Variants in CNTNAP2 observed in about 807,000 individuals in gnomAD.
CNTNAP2 encodes the protein contactin-associated protein-like 2.
In CNTNAP2, 98 loss-of-function variants were observed where a neutral mutation model predicts 155.2. The observed-to-expected ratio is 0.63, with a 90% CI of 0.54 to 0.75. CNTNAP2 has a LOEUF of 0.75. CNTNAP2 is among the 30% of genes least tolerant of loss of function. The pLI is 0.00. For synonymous variants in CNTNAP2, 651 were observed against 631.2 expected (o/e 1.03, Z -0.47); for missense variants, 1,727 against 1,688.1 (o/e 1.02, Z -0.40).
At chr7:147,868,734 C>T (rs199942963) in intron 13 of CNTNAP2, among the ~76,000 whole-genome samples, 15 of 152,200 alleles carry the variant, frequency 9.9e-5, no homozygotes, top group East Asian at 1.9e-4. Flanking sequence ...CAGACTGCTG[C>T]GCTAGCAGTG....
intron 1 of CNTNAP2, among the ~76,000 whole-genome samples, chr7:146,770,573 TG>T (rs1474325979): frequency 1.4e-4 from 21 of 152,022 alleles, no homozygotes; most frequent in Admixed American, 9.8e-4. Context: ...AATTGCTTAT[TG>T]GCCCTGATCT....
At chr7:147,944,956 C>A (rs1428307856) in intron 14 of CNTNAP2, among the ~76,000 whole-genome samples, 1 of 152,088 alleles carries the variant, frequency 6.6e-6, no homozygotes, top group Non-Finnish European at 1.5e-5. Context: ...TTGCTGCCTG[C>A]CAATTACAGA....
At chr7:146,338,876 GA>G (rs1801325152) in intron 1 of CNTNAP2, among the ~76,000 whole-genome samples, 1 of 147,672 alleles carries the variant, frequency 6.8e-6, no homozygotes, top group South Asian at 2.1e-4. Context: ...ATACAGAAAA[GA>G]TTTTTTTTTT....
At chr7:147,497,131 C>A (rs1017751293) in intron 11 of CNTNAP2, 1 of 152,118 alleles carries the variant, frequency 6.6e-6, no homozygotes, top group Non-Finnish European at 1.5e-5. Flanking sequence ...ATTTGGAAAT[C>A]TTTAGACTTA....
chr7:147,362,676 G>A (rs148172837), intron 9 of CNTNAP2, among the ~76,000 whole-genome samples: 1 of 152,092 alleles, frequency 6.6e-6, no homozygotes, highest in East Asian at 1.9e-4. Flanking sequence ...TAGTTGCTGA[G>A]TGTTATGGAG....
At chr7:147,127,428 C>T (rs976624468) in intron 6 of CNTNAP2, among the ~76,000 whole-genome samples, 13 of 151,914 alleles carry the variant, frequency 8.6e-5, no homozygotes, top group African/African-American at 4.8e-5. Context: ...TGTTTCCCCC[C>T]CTAAAAGTAC....
chr7:146,207,028 A>T (rs1798957856), intron 1 of CNTNAP2, among the ~76,000 whole-genome samples: 2 of 152,070 alleles, frequency 1.3e-5, no homozygotes, highest in Admixed American at 6.6e-5. Context: ...GCTCTCAAAA[A>T]ACAACATTGG....
chr7:147,342,903 T>A (rs367894470), intron 9 of CNTNAP2, among the ~76,000 whole-genome samples: 3 of 152,196 alleles, frequency 2.0e-5, no homozygotes, highest in African/African-American at 7.2e-5. Context: ...ACTGTATTCC[T>A]TCCTTTATAT....
At chr7:147,530,837 A>T (rs1799419192) in intron 11 of CNTNAP2, among the ~76,000 whole-genome samples, 1 of 152,210 alleles carries the variant, frequency 6.6e-6, no homozygotes, top group African/African-American at 2.4e-5. Context: ...CCAAAGTCTC[A>T]TCTGAGACAA....
At chr7:146,567,059 A>G (rs1399532738) in intron 1 of CNTNAP2, among the ~76,000 whole-genome samples, 1 of 152,234 alleles carries the variant, frequency 6.6e-6, no homozygotes, top group African/African-American at 2.4e-5. Context: ...GATGGGATGT[A>G]ATCATACTGT....
chr7:148,061,834 C>A (rs1803137955), intron 15 of CNTNAP2, among the ~76,000 whole-genome samples: 1 of 115,588 alleles, frequency 8.7e-6, no homozygotes, highest in Non-Finnish European at 1.8e-5. Context: ...AGTCTAGATA[C>A]CTAGATAGTT....
rs1562983050 is a variant in CNTNAP2, at chr7:146,875,949, AAAAAAAAAAAAAC to A, written c.402+36052_402+36064del. On this transcript the variant is annotated intron_variant, in intron 3 of 23. Coordinates refer to ENST00000361727, the MANE Select transcript of CNTNAP2 (RefSeq NM_014141.6). ...ACATACACAGCAAAAAAAAAAAAAA[AAAAAAAAAAAAAC>A]AAAAAACAAAAAAACGAGAAGAAGA... Among the ~76,000 whole-genome samples, 19 of 145,200 alleles carry A rather than the reference AAAAAAAAAAAAAC, an allele frequency of 1.3e-4. 1 individual carries two copies. The highest frequency in any genetic ancestry group is 5.2e-4 in the African/African-American group (19 of 36,752).
intron 1 of CNTNAP2, among the ~76,000 whole-genome samples, chr7:146,157,760 C>A (rs758202924): frequency 6.6e-6 from 1 of 152,178 alleles, no homozygotes; most frequent in Non-Finnish European, 1.5e-5. Context: ...GTGGAGCCCA[C>A]TGCAGATCAA....
At chr7:147,030,453 C>T (rs1267590836) in intron 3 of CNTNAP2, among the ~76,000 whole-genome samples, 2 of 152,118 alleles carry the variant, frequency 1.3e-5, no homozygotes, top group African/African-American at 2.4e-5. Context: ...AATTTTTAGA[C>T]ACCCTCCTAT....
intron 1 of CNTNAP2, among the ~76,000 whole-genome samples, chr7:146,479,525 ATG>A (rs1217985515): frequency 6.6e-6 from 1 of 152,140 alleles, no homozygotes; most frequent in African/African-American, 2.4e-5. Flanking sequence ...TACATAATAA[ATG>A]AGATTATTCT....
intron 1 of CNTNAP2, among the ~76,000 whole-genome samples, chr7:146,513,295 C>A (rs1431696661): frequency 2.0e-5 from 3 of 151,842 alleles, no homozygotes; most frequent in Non-Finnish European, 2.9e-5. Context: ...CATTTACATT[C>A]AATGTTACTT....
intron 3 of CNTNAP2, among the ~76,000 whole-genome samples, chr7:147,032,713 G>C (rs993362416): frequency 6.6e-6 from 1 of 151,502 alleles, no homozygotes; most frequent in Non-Finnish European, 1.5e-5. Flanking sequence ...AAGAAAGAGA[G>C]AAAAAAAGGA....
intron 13 of CNTNAP2, among the ~76,000 whole-genome samples, chr7:147,649,951 C>T (rs559323092): frequency 1.9e-4 from 29 of 151,948 alleles, no homozygotes; most frequent in Admixed American, 5.9e-4. Context: ...AAAGTACTGA[C>T]AATTTTATTA....
At chr7:148,082,678 T>C (rs1803635951) in intron 15 of CNTNAP2, among the ~76,000 whole-genome samples, 1 of 152,058 alleles carries the variant, frequency 6.6e-6, no homozygotes, top group Non-Finnish European at 1.5e-5. Context: ...TTTGAGATTT[T>C]CTTTCTTTTT....
Sources: gnomAD v4.1 joint callset for allele counts (sites outside exome capture counted in the v4.1 genomes callset) on GRCh38, gnomAD v4.1.1 for gene constraint, MANE v1.5 for transcripts, NCBI Gene and HGNC (gene_info 2026-07-23, HGNC 2026-07-21) for gene names.